Variants in TMEM74 observed in about 807,000 individuals in gnomAD.
The protein encoded by TMEM74 is transmembrane protein 74.
Under a neutral mutation model 18.1 loss-of-function variants are expected in TMEM74, and 13 were observed. The ratio of observed to expected loss-of-function variants is 0.72; its 90% CI spans 0.47 to 1.14. The LOEUF is 1.14. TMEM74 is among the 50% of genes most tolerant of loss of function. TMEM74 has a pLI of 0.00. For synonymous variants in TMEM74, 159 were observed against 146.6 expected, an observed-to-expected ratio of 1.08 and a Z score of -0.61; for missense variants, 372 against 375.9, an observed-to-expected ratio of 0.99 and a Z score of 0.09.
chr8:108,652,294 T>A (rs2130572452), intron 2 of TMEM74: 1 of 159,514 alleles, frequency 6.3e-6, no homozygotes, highest in East Asian at 1.8e-4. Flanking sequence ...TAGATGTGTG[T>A]GTCCTGACAC....
chr8:108,736,801 T>C (rs1405780435), intron 1 of TMEM74, among the ~76,000 whole-genome samples: 3 of 152,132 alleles, frequency 2.0e-5, no homozygotes, highest in Non-Finnish European at 4.4e-5. Context: ...GTCACACTAG[T>C]GGGCTGTATG....
At chr8:108,620,105 T>C (rs1563733674) in intron 2 of TMEM74, among the ~76,000 whole-genome samples, 1 of 152,178 alleles carries the variant, frequency 6.6e-6, no homozygotes, top group Non-Finnish European at 1.5e-5. Flanking sequence ...GCTATCACTG[T>C]TTGTCTTAAA....
chr8:108,626,215 C>T (rs1036653895), intron 2 of TMEM74, among the ~76,000 whole-genome samples: 1 of 151,970 alleles, frequency 6.6e-6, no homozygotes, highest in Non-Finnish European at 1.5e-5. Context: ...CATTTATTTT[C>T]TATAAAACAT....
At chr8:108,728,055 G>C (rs1422693268) in intron 1 of TMEM74, among the ~76,000 whole-genome samples, 2 of 152,152 alleles carry the variant, frequency 1.3e-5, no homozygotes, top group Non-Finnish European at 2.9e-5. Flanking sequence ...GAAAAGTGGT[G>C]GTGTCAACTC....
intron 1 of TMEM74, among the ~76,000 whole-genome samples, chr8:108,710,381 C>G (rs1230345018): frequency 2.6e-5 from 4 of 152,216 alleles, no homozygotes; most frequent in African/African-American, 9.6e-5. Context: ...CAGGGCAAGT[C>G]ATGCTTGCCA....
chr8:108,713,874 C>G (rs914236741), intron 1 of TMEM74, among the ~76,000 whole-genome samples: 1 of 152,202 alleles, frequency 6.6e-6, no homozygotes, highest in African/African-American at 2.4e-5. Flanking sequence ...GATGGGGTAA[C>G]AGTCCAAGGC....
chr8:108,672,440 T>C (rs1201549834), intron 1 of TMEM74, among the ~76,000 whole-genome samples: 1 of 152,226 alleles, frequency 6.6e-6, no homozygotes, highest in East Asian at 1.9e-4. Flanking sequence ...TTTATTTTTC[T>C]GGCATTGTGA....
intron 1 of TMEM74, among the ~76,000 whole-genome samples, chr8:108,760,833 C>T (rs935187512): frequency 6.6e-6 from 1 of 151,838 alleles, no homozygotes; most frequent in African/African-American, 2.4e-5. Flanking sequence ...ACACTGAAGC[C>T]AATCTGCCAG....
intron 2 of TMEM74, among the ~76,000 whole-genome samples, chr8:108,644,095 C>T (rs566781870): frequency 9.9e-5 from 15 of 152,212 alleles, no homozygotes; most frequent in Non-Finnish European, 1.9e-4. Flanking sequence ...TTTCTGACTT[C>T]GAACTGTAAC....
chr8:108,747,990 T>C (rs1489601388), intron 1 of TMEM74, among the ~76,000 whole-genome samples: 1 of 152,150 alleles, frequency 6.6e-6, no homozygotes, highest in African/African-American at 2.4e-5. Flanking sequence ...TGATTCCAAG[T>C]CTTTGTTATT....
In TMEM74 at chr8:108,657,008, T is replaced by A. The variant is rs184402420; in HGVS notation, n.120-1571A>T. Among the ~76,000 whole-genome samples, 8 of 152,242 alleles carry A rather than the reference T, an allele frequency of 5.3e-5. No individual in the cohort carries two copies. The East Asian group carries it at 1.4e-3, about 26-fold the overall frequency. The stretch of plus-strand genomic sequence containing the variant: ...AATCATAACAAATGTAAACCTCTTT[T>A]CTTTGTGGTTTTCTCTATTATGTAA... On this transcript the variant is annotated intron_variant and non_coding_transcript_variant, in intron 1 of 3. Coordinates refer to the TMEM74 transcript ENST00000518838.
chr8:108,768,734 T>C (rs1233786708), intron 1 of TMEM74, among the ~76,000 whole-genome samples: 1 of 152,160 alleles, frequency 6.6e-6, no homozygotes, highest in Admixed American at 6.5e-5. Context: ...TCCTACCTGC[T>C]GCTCTCAGGT....
At chr8:108,761,194 T>A (rs921172018) in intron 1 of TMEM74, among the ~76,000 whole-genome samples, 3 of 152,024 alleles carry the variant, frequency 2.0e-5, no homozygotes, top group Non-Finnish European at 4.4e-5. Context: ...ACTATAGTGG[T>A]TAGAAGCATG....
At chr8:108,609,541 G>C (rs558961650) in intron 2 of TMEM74, among the ~76,000 whole-genome samples, 1 of 152,178 alleles carries the variant, frequency 6.6e-6, no homozygotes, top group Admixed American at 6.5e-5. Context: ...TCAGCTACTG[G>C]GGAGGCTGAG....
intron 2 of TMEM74, among the ~76,000 whole-genome samples, chr8:108,643,186 T>C (rs1812683301): frequency 1.3e-5 from 2 of 152,184 alleles, no homozygotes; most frequent in African/African-American, 4.8e-5. Flanking sequence ...TTAGTGTGCA[T>C]CAAAATCATT....
intron 2 of TMEM74, among the ~76,000 whole-genome samples, chr8:108,650,106 A>G (rs1299938587): frequency 2.0e-5 from 3 of 152,144 alleles, no homozygotes; most frequent in Non-Finnish European, 4.4e-5. Flanking sequence ...TTACCTATGA[A>G]ACATCTCTAC....
chr8:108,708,625 G>C (rs1397577863), intron 1 of TMEM74, among the ~76,000 whole-genome samples: 1 of 151,852 alleles, frequency 6.6e-6, no homozygotes, highest in Non-Finnish European at 1.5e-5. Flanking sequence ...TTAATGTTTA[G>C]CATTTTTTCA....
intron 1 of TMEM74, among the ~76,000 whole-genome samples, chr8:108,681,857 C>A (rs1813118543): frequency 6.6e-6 from 1 of 152,126 alleles, no homozygotes; most frequent in Non-Finnish European, 1.5e-5. Flanking sequence ...AAAGTCATCA[C>A]CTAGTCATGT....
At chr8:108,718,985 T>G (rs1813558090) in intron 1 of TMEM74, among the ~76,000 whole-genome samples, 2 of 151,316 alleles carry the variant, frequency 1.3e-5, no homozygotes, top group Non-Finnish European at 3.0e-5. Flanking sequence ...TATATATACG[T>G]ATATATACGT....
Sources: gnomAD v4.1 joint callset for allele counts (sites outside exome capture counted in the v4.1 genomes callset) on GRCh38, gnomAD v4.1.1 for gene constraint, MANE v1.5 for transcripts, NCBI Gene and HGNC (gene_info 2026-07-23, HGNC 2026-07-21) for gene names.